Variants in XRCC3 observed in about 807,000 individuals in gnomAD.
XRCC3 encodes X-ray repair cross complementing 3.
XRCC3 carries 34 observed loss-of-function variants against 29.2 expected under a neutral mutation model. That is an observed-to-expected ratio of 1.16 (90% confidence interval 0.88 to 1.55). XRCC3 has a LOEUF of 1.55. XRCC3 is among the 40% of genes most tolerant of loss of function. The probability of loss-of-function intolerance (pLI) is 0.00; values close to 1 mark genes in which losing one functional copy is unlikely to be tolerated. For synonymous variants in XRCC3, 223 were observed against 211.3 expected, an observed-to-expected ratio of 1.06 and a Z score of -0.48; for missense variants, 463 against 467.6, an observed-to-expected ratio of 0.99 and a Z score of 0.09.
At chr14:103,706,164 C>T (rs922412805) in intron 6 of XRCC3, 2 of 363,496 alleles carry the variant, frequency 5.5e-6, no homozygotes, top group African/African-American at 2.1e-5. Context: ...CACTGAAGCT[C>T]AGGCAGGCAC....
chr14:103,707,262 G>A, intron 5 of XRCC3, 47 bp from the exon 6 acceptor site: 1 of 1,544,846 alleles, frequency 6.5e-7, no homozygotes, highest in Non-Finnish European at 8.7e-7. Context: ...GGGCCTGCGG[G>A]CAGGGCTGGG....
At chr14:103,705,449 G>T (rs2083400380) in intron 6 of XRCC3, 1 of 152,384 alleles carries the variant, frequency 6.6e-6, no homozygotes, top group Non-Finnish European at 1.5e-5. Flanking sequence ...GCCCCAGCAG[G>T]CCTGGGAGAG....
intron 3 of XRCC3, 54 bp from the exon 4 acceptor site, chr14:103,711,299 G>A: frequency 1.5e-6 from 1 of 682,120 alleles, no homozygotes; most frequent in East Asian, 2.7e-5. Flanking sequence ...CTACATCTAG[G>A]GCAACATGTC....
intron 6 of XRCC3, 59 bp downstream of exon 6, chr14:103,706,944 C>T (rs2083457245): frequency 1.3e-6 from 2 of 1,520,438 alleles, no homozygotes; most frequent in South Asian, 2.4e-5. Flanking sequence ...GGAAAGCTGT[C>T]CCACACAAAG....
rs138142727 is a variant in XRCC3, at chr14:103,699,427, G to C, written c.711C>G (p.Ser237=). ...TCAGCTCACGCAGCGTGGCCCCCAG[G>C]GACTGCAGATGCCTGGCCCTGGGGG... is the stretch of plus-strand genomic sequence containing the variant. ...ASAPRARHLQ[S]LGATLRELSS... The change falls in exon 8 of 10, where the codon TCC becomes TCG. Residue 237 remains serine (S), a synonymous_variant. Coordinates refer to ENST00000555055, the MANE Select transcript of XRCC3 (RefSeq NM_005432.4). 2.5e-6 allele frequency: 4 copies of C among 1,612,722 alleles called. No homozygotes were observed. Among genetic ancestry groups the C allele is most frequent in the African/African-American group, 2.7e-5 (2 of 74,918 alleles).
chr14:103,707,133 C>T lies in XRCC3; in HGVS notation c.276G>A (p.Leu92=), dbSNP rs1241885911. Residue 92 remains leucine (L), a synonymous_variant, in exon 6 of 10, where the codon CTG becomes CTA. Transcript: ENST00000555055. The part of the protein sequence containing the change: ...LSLGCPVLDA[L]LRGGLPLDGI... ...CGTCCAGGGGCAGGCCACCGCGGAG[C>T]AGCGCGTCCAGCACCGGGCAGCCCA... 6.5e-6 allele frequency: 10 copies of T among 1,549,626 alleles called. No individual in the cohort carries two copies. Among genetic ancestry groups the T allele is most frequent in the Non-Finnish European group, 8.7e-6 (10 of 1,146,806 alleles).
At position 103,711,470 on chromosome 14, in the gene XRCC3, C is replaced by T; in HGVS notation, c.-163G>A. On this transcript the variant is annotated 5_prime_UTR_variant, in exon 3 of 10. Transcript: ENST00000555055. ...TGAGTGCCCTGCCCGACTCACCTCT[C>T]TGGGGCTTGGGGATGACCCGCGTGT... 2.1e-6 allele frequency: 1 copy of T among 487,716 alleles called. No individual in the cohort carries two copies. 30.2% of individuals were successfully genotyped at this position (487,716 alleles called of 1,614,324 possible).
At position 103,707,280 on chromosome 14, in the gene XRCC3, G is replaced by A. The variant is rs1326436465; in HGVS notation, c.194-65C>T. 5 of 1,534,366 alleles carry A rather than the reference G, an allele frequency of 3.3e-6. No homozygotes were observed. The African/African-American group carries it at 4.1e-5, about 13-fold the overall frequency. On this transcript the variant is annotated intron_variant, in intron 5 of 9. Coordinates refer to ENST00000555055, the MANE Select transcript of XRCC3 (RefSeq NM_005432.4). The stretch of plus-strand genomic sequence containing the variant: ...CCTGCGGGCAGGGCTGGGGACTGCG[G>A]GAGGCATGGTCAGCCTGCCTGTGCC...
chr14:103,703,042 T>C (rs1239769716), intron 7 of XRCC3, 131 bp downstream of exon 7: 2 of 1,389,868 alleles, frequency 1.4e-6, no homozygotes, highest in East Asian at 2.5e-5. Context: ...CCATGACCCA[T>C]GCTGTGTTCA....
chr14:103,707,560 C>T, intron 5 of XRCC3: 2 of 425,668 alleles, frequency 4.7e-6, no homozygotes, highest in South Asian at 4.3e-5. Flanking sequence ...AGGCACAGCT[C>T]TGTCCAGCTG....
intron 6 of XRCC3, chr14:103,706,759 C>T (rs2083450435): frequency 1.7e-6 from 1 of 572,132 alleles, no homozygotes; most frequent in Admixed American, 2.8e-5. Context: ...CCTAGCTCTG[C>T]TGAGGGCCGG....
In XRCC3 at chr14:103,708,628, G is replaced by C; in HGVS notation, c.87C>G (p.His29Gln). The C allele has an allele frequency of 6.2e-7, 1 of 1,614,222 alleles. No homozygotes were observed. The highest frequency in any genetic ancestry group is 1.1e-5 in the South Asian group (1 of 91,090). ...GTCTCTTCAAGTCTGGTCCAGAAAA[G>C]TGTAAAACCTCCTTTACCGATTTCA... The part of the protein sequence containing the change: ...AKLKSVKEVL[H>Q]FSGPDLKRLT... Residue 29 changes from histidine to glutamine, a missense_variant, in exon 5 of 10, where the codon CAC becomes CAG. Physicochemically the swap from His to Gln is conservative, Grantham distance 24. Coordinates refer to ENST00000555055, the MANE Select transcript of XRCC3 (RefSeq NM_005432.4).
rs764603819 is a variant in XRCC3 at position 103,706,980 on chromosome 14, C to G, written c.406+23G>C. 3.2e-6 allele frequency: 5 copies of G among 1,540,592 alleles called. No individual in the cohort carries two copies. In the South Asian group the frequency reaches 4.7e-5, roughly 15 times the overall value. ...CAGGGGCCGCCCACCTGCCCAGACC[C>G]CACGGAAGGGGTGGCCACTCACCAG... On this transcript the variant is annotated intron_variant, in intron 6 of 9. Coordinates refer to ENST00000555055, the MANE Select transcript of XRCC3 (RefSeq NM_005432.4).
chr14:103,707,860 C>A, intron 5 of XRCC3: 1 of 190,902 alleles, frequency 5.2e-6, no homozygotes. Context: ...CTGCACACTG[C>A]CTTGGGCACC....
chr14:103,707,339 G>T, intron 5 of XRCC3, 124 bp from the exon 6 acceptor site: 1 of 1,244,132 alleles, frequency 8.0e-7, no homozygotes, highest in Non-Finnish European at 1.1e-6. Context: ...GGTGCCTGCG[G>T]TCATGGGGGT....
intron 2 of XRCC3, chr14:103,712,431 G>A (rs571286088): frequency 1.3e-4 from 20 of 152,844 alleles, no homozygotes; most frequent in Middle Eastern, 3.4e-3. Flanking sequence ...AGCACAGAAG[G>A]CAAATCAAAA....
At chr14:103,701,327 C>T in intron 7 of XRCC3, 1 of 1,030,548 alleles carries the variant, frequency 9.7e-7, no homozygotes, top group South Asian at 1.4e-5. Flanking sequence ...TCTCCTGCGT[C>T]TGTGTGCATA....
chr14:103,711,686 T>A, intron 2 of XRCC3, 119 bp from the exon 3 acceptor site: 1 of 456,236 alleles, frequency 2.2e-6, no homozygotes, highest in South Asian at 1.5e-5. Flanking sequence ...GAAGGTGCTG[T>A]GGACCCCACC....
intron 6 of XRCC3, chr14:103,706,435 TA>T: frequency 2.2e-6 from 1 of 455,908 alleles, no homozygotes; most frequent in South Asian, 1.5e-5. Context: ...GGAATTAGTT[TA>T]AAAGTTAAGG....
Sources: gnomAD v4.1 joint callset for allele counts on GRCh38, gnomAD v4.1.1 for gene constraint, MANE v1.5 for transcripts, NCBI Gene and HGNC (gene_info 2026-07-23, HGNC 2026-07-21) for gene names.